Variants in ADGRL2 observed in about 807,000 individuals in gnomAD.
ADGRL2 encodes the protein calcium-independent alpha-latrotoxin receptor 2.
In ADGRL2, 44 loss-of-function variants were observed where a neutral mutation model predicts 157.4. That is an observed-to-expected ratio of 0.28 (90% CI 0.22 to 0.36). The LOEUF is 0.36. Ranked by LOEUF, ADGRL2 falls within the 10% of genes least tolerant of loss-of-function variation. The pLI, the probability that ADGRL2 is intolerant of heterozygous loss-of-function variation, is 1.00. For synonymous variants in ADGRL2, 585 were observed against 624.7 expected (o/e 0.94, Z 0.95); for missense variants, 1,510 against 1,768.9 (o/e 0.85, Z 2.63).
At chr1:81,365,465 A>G (rs1170098029) in intron 1 of ADGRL2, among the ~76,000 whole-genome samples, 1 of 152,196 alleles carries the variant, frequency 6.6e-6, no homozygotes, top group Non-Finnish European at 1.5e-5. Context: ...GAGGTCTTAT[A>G]TGCCATCCTG....
At chr1:81,405,403 C>T (rs1045041866) in intron 1 of ADGRL2, among the ~76,000 whole-genome samples, 7 of 152,100 alleles carry the variant, frequency 4.6e-5, no homozygotes, top group Non-Finnish European at 7.4e-5. Context: ...TGTGGTGGCT[C>T]GTGCCTGTAA....
At chr1:81,724,237 A>T (rs2084433760) in intron 1 of ADGRL2, among the ~76,000 whole-genome samples, 1 of 152,172 alleles carries the variant, frequency 6.6e-6, no homozygotes, top group African/African-American at 2.4e-5. Flanking sequence ...CTCTGGCAAC[A>T]TCTTGTCATA....
chr1:81,974,791 T>A (rs974298974), intron 17 of ADGRL2, among the ~76,000 whole-genome samples: 1 of 152,120 alleles, frequency 6.6e-6, no homozygotes, highest in African/African-American at 2.4e-5. Context: ...TCTTAAAATT[T>A]CTTTGTATTT....
At chr1:81,326,593 A>G (rs1419980371) in intron 1 of ADGRL2, among the ~76,000 whole-genome samples, 1 of 152,248 alleles carries the variant, frequency 6.6e-6, no homozygotes, top group African/African-American at 2.4e-5. Flanking sequence ...TCTAAGTTTA[A>G]GTGAACTACA....
intron 3 of ADGRL2, among the ~76,000 whole-genome samples, chr1:81,647,389 A>G (rs2082334429): frequency 6.6e-6 from 1 of 152,190 alleles, no homozygotes; most frequent in South Asian, 2.1e-4. Flanking sequence ...AAATGCTCCA[A>G]AATCTGGAAC....
At position 81,648,936 on chromosome 1, in the gene ADGRL2, A is replaced by G. The variant is rs76348449; in HGVS notation, c.-143+67956A>G. ...CTTCAGAGTCCTTTGGACACTTGGA[A>G]CCGGAGAATGCTGTGCAGTATCACA... On this transcript the variant is annotated intron_variant, in intron 3 of 24. Coordinates refer to the ADGRL2 transcript ENST00000370721. 4.9e-3 allele frequency among the ~76,000 whole-genome samples: 741 copies of G among 152,310 alleles called. 5 individuals carry two copies. The highest frequency in any genetic ancestry group is 0.017 in the African/African-American group (713 of 41,568).
chr1:81,306,183 T>C (rs1005300537), exon 1 of ADGRL2: 1 of 152,246 alleles, frequency 6.6e-6, no homozygotes, highest in African/African-American at 2.4e-5. Flanking sequence ...TCTCTCCCTC[T>C]CTTGCGCTGT....
At chr1:81,551,265 A>G (rs957764700) in intron 2 of ADGRL2, among the ~76,000 whole-genome samples, 33 of 152,304 alleles carry the variant, frequency 2.2e-4, no homozygotes, top group Admixed American at 1.4e-3. Flanking sequence ...CAAGTCTGCT[A>G]AAGACTAGCC....
chr1:81,506,478 G>A (rs2078978116), intron 2 of ADGRL2, among the ~76,000 whole-genome samples: 1 of 152,152 alleles, frequency 6.6e-6, no homozygotes, highest in Non-Finnish European at 1.5e-5. Flanking sequence ...GGAGGCTGAG[G>A]TGGGAAGGAT....
intron 2 of ADGRL2, among the ~76,000 whole-genome samples, chr1:81,880,541 A>G (rs187958639): frequency 5.9e-5 from 9 of 152,254 alleles, no homozygotes; most frequent in Admixed American, 5.2e-4. Flanking sequence ...GCTCTCAGCA[A>G]AGAGAGGGGT....
chr1:81,577,951 A>G (rs945459268), intron 2 of ADGRL2, among the ~76,000 whole-genome samples: 4 of 152,176 alleles, frequency 2.6e-5, no homozygotes, highest in Non-Finnish European at 5.9e-5. Flanking sequence ...TTTAAAGTAG[A>G]TTAATTGCTT....
intron 1 of ADGRL2, among the ~76,000 whole-genome samples, chr1:81,332,031 C>G (rs1175766957): frequency 6.6e-6 from 1 of 152,082 alleles, no homozygotes; most frequent in East Asian, 1.9e-4. Flanking sequence ...CAAACTCTTT[C>G]CATGGGCCCA....
intron 3 of ADGRL2, among the ~76,000 whole-genome samples, chr1:81,659,151 T>A (rs989038484): frequency 4.4e-5 from 6 of 137,870 alleles, no homozygotes; most frequent in African/African-American, 1.6e-4. Context: ...AACCTCCCCC[T>A]CCTGGGTTCA....
chr1:81,511,940 G>T (rs1385206356), intron 2 of ADGRL2, among the ~76,000 whole-genome samples: 3 of 151,942 alleles, frequency 2.0e-5, no homozygotes, highest in African/African-American at 7.3e-5. Context: ...ATAGCTTATT[G>T]CAATAATGGA....
intron 2 of ADGRL2, among the ~76,000 whole-genome samples, chr1:81,561,466 G>GT (rs1426441738): frequency 0.025 from 3,232 of 126,798 alleles, 108 homozygotes; most frequent in African/African-American, 0.079. Flanking sequence ...TGTTGTTTTT[G>GT]TTTTTTTTTT....
chr1:81,974,079 T>C (rs1659523398), intron 17 of ADGRL2, among the ~76,000 whole-genome samples: 1 of 152,204 alleles, frequency 6.6e-6, no homozygotes, highest in Non-Finnish European at 1.5e-5. Flanking sequence ...TTGCTATTCC[T>C]AGGAAAGTAT....
chr1:81,361,315 G>C (rs1281234998), intron 1 of ADGRL2, among the ~76,000 whole-genome samples: 1 of 151,902 alleles, frequency 6.6e-6, no homozygotes, highest in Non-Finnish European at 1.5e-5. Flanking sequence ...TTTTAGAAAA[G>C]TAGTCTCTCA....
At chr1:81,575,921 C>A (rs2080789821) in intron 2 of ADGRL2, among the ~76,000 whole-genome samples, 1 of 152,062 alleles carries the variant, frequency 6.6e-6, no homozygotes, top group African/African-American at 2.4e-5. Flanking sequence ...ACCCCATGTA[C>A]CCACTACTTC....
chr1:81,868,794 G>A (rs2093618143), intron 2 of ADGRL2, among the ~76,000 whole-genome samples: 1 of 151,966 alleles, frequency 6.6e-6, no homozygotes, highest in South Asian at 2.1e-4. Context: ...TTTTTTGGGG[G>A]GAAAGGTCCC....
Sources: gnomAD v4.1 joint callset for allele counts (sites outside exome capture counted in the v4.1 genomes callset) on GRCh38, gnomAD v4.1.1 for gene constraint, MANE v1.5 for transcripts, NCBI Gene and HGNC (gene_info 2026-07-23, HGNC 2026-07-21) for gene names.